Variants in FAM13A observed in about 807,000 individuals in gnomAD.
FAM13A encodes protein FAM13A.
A neutral mutation model predicts 129.6 loss-of-function variants in FAM13A; 76 were observed. The ratio of observed to expected loss-of-function variants is 0.59; its 90% CI spans 0.49 to 0.71. The LOEUF (loss-of-function observed/expected upper bound fraction) is 0.71, where lower values mean the gene tolerates loss of function less well. Among genes scored for constraint, FAM13A ranks in the 30% least tolerant of loss-of-function variants. The pLI, the probability that FAM13A is intolerant of heterozygous loss-of-function variation, is 0.00. For synonymous variants in FAM13A, 443 were observed against 449.9 expected (o/e 0.98, Z 0.20); for missense variants, 1,108 against 1,249.3 (o/e 0.89, Z 1.70).
intron 3 of FAM13A, among the ~76,000 whole-genome samples, chr4:89,019,067 T>C (rs1315646613): frequency 6.6e-6 from 1 of 152,198 alleles, no homozygotes; most frequent in Non-Finnish European, 1.5e-5. Context: ...TGTGAGGGCC[T>C]GGGGGAGCTA....
chr4:88,742,044 T>C (rs1436919203), intron 19 of FAM13A, among the ~76,000 whole-genome samples: 1 of 152,158 alleles, frequency 6.6e-6, no homozygotes, highest in Non-Finnish European at 1.5e-5. Context: ...ACGTGACACA[T>C]GGTGAAATAT....
In FAM13A at chr4:88,932,026, T is replaced by C. The variant is rs1451762985; in HGVS notation, c.759+6062A>G. On this transcript the variant is annotated intron_variant, in intron 5 of 23. Coordinates refer to ENST00000264344, the MANE Select transcript of FAM13A (RefSeq NM_014883.4). ...ATTCTTGAGGGGCTACAGAAGAGGT[T>C]AGGAATAGTGAAGACATATAGGAGT... is the stretch of plus-strand genomic sequence containing the variant. Among the ~76,000 whole-genome samples the C allele has an allele frequency of 1.3e-5, 2 of 152,202 alleles. 1 individual carries two copies. Among genetic ancestry groups the C allele is most frequent in the Middle Eastern group, 6.3e-3 (2 of 316 alleles).
chr4:88,939,787 G>A (rs1313286162), intron 4 of FAM13A, among the ~76,000 whole-genome samples: 2 of 152,152 alleles, frequency 1.3e-5, no homozygotes, highest in Admixed American at 6.5e-5. Flanking sequence ...GCTGTAAGAG[G>A]ATCACATGGC....
At chr4:89,007,365 G>T (rs1238051641) in intron 3 of FAM13A, among the ~76,000 whole-genome samples, 4 of 152,132 alleles carry the variant, frequency 2.6e-5, no homozygotes, top group African/African-American at 9.7e-5. Flanking sequence ...CATTCAAGCA[G>T]CCATCTGAAG....
At position 88,786,936 on chromosome 4, in the gene FAM13A, G is replaced by A. The variant is rs2924347; in HGVS notation, c.1271+817C>T. 4.2e-3 allele frequency among the ~76,000 whole-genome samples: 633 copies of A among 151,942 alleles called. 12 individuals carry two copies. Among genetic ancestry groups the A allele is most frequent in the African/African-American group, 0.015 (621 of 41,452 alleles). On this transcript the variant is annotated intron_variant, in intron 10 of 23. Transcript: ENST00000264344. ...ATGAGGGGTGCTAGGGTCTGGTTCA[G>A]GTTAGTTTCTGACATTTAATAAGGA...
rs548742226 is a variant in FAM13A at position 88,879,360 on chromosome 4, A to G, written c.843+27019T>C. Reference sequence around the variant, plus strand: ...AGTATAACATGCTATAGCATATAAGACTAGAAAAGTGGGAAGTAATATAAG... The same window carrying G: ...AGTATAACATGCTATAGCATATAAGGCTAGAAAAGTGGGAAGTAATATAAG... On this transcript the variant is annotated intron_variant, in intron 6 of 23. Coordinates refer to ENST00000264344, the MANE Select transcript of FAM13A (RefSeq NM_014883.4). Among the ~76,000 whole-genome samples the G allele has an allele frequency of 9.8e-5, 15 of 152,302 alleles. No homozygotes were observed. In the South Asian group the frequency reaches 3.1e-3, roughly 32 times the overall value.
intron 6 of FAM13A, among the ~76,000 whole-genome samples, chr4:88,852,056 T>C (rs1737655738): frequency 6.6e-6 from 1 of 152,174 alleles, no homozygotes; most frequent in Non-Finnish European, 1.5e-5. Context: ...ATCTGGAATG[T>C]CATGTGCTCA....
At chr4:88,926,899 G>A (rs1212763416) in intron 5 of FAM13A, among the ~76,000 whole-genome samples, 1 of 151,948 alleles carries the variant, frequency 6.6e-6, no homozygotes, top group Non-Finnish European at 1.5e-5. Context: ...ATAATTAGGG[G>A]GACAGGTGCA....
chr4:88,745,625 G>A (rs2602116), intron 19 of FAM13A, among the ~76,000 whole-genome samples: 39,878 of 152,054 alleles, frequency 0.26, 6,324 homozygotes, highest in African/African-American at 0.45. Flanking sequence ...GAGAAGGAGT[G>A]TCTCTCTGAT....
chr4:88,887,403 TTAC>T (rs1396663152), intron 6 of FAM13A, among the ~76,000 whole-genome samples: 4 of 152,220 alleles, frequency 2.6e-5, no homozygotes, highest in African/African-American at 9.7e-5. Flanking sequence ...CAAGGATACA[TTAC>T]TATTAAGTGA....
intron 4 of FAM13A, among the ~76,000 whole-genome samples, chr4:88,953,679 T>C (rs1256922071): frequency 2.0e-5 from 3 of 152,218 alleles, no homozygotes; most frequent in African/African-American, 7.2e-5. Context: ...TCTGTTTCTA[T>C]GAATTTTATG....
At chr4:88,994,933 T>C (rs1763343933) in intron 3 of FAM13A, among the ~76,000 whole-genome samples, 1 of 152,182 alleles carries the variant, frequency 6.6e-6, no homozygotes, top group Non-Finnish European at 1.5e-5. Context: ...TATACATTCA[T>C]GTTCTCGTAT....
intron 5 of FAM13A, among the ~76,000 whole-genome samples, chr4:88,927,697 G>C (rs930212135): frequency 6.6e-6 from 1 of 151,838 alleles, no homozygotes; most frequent in Non-Finnish European, 1.5e-5. Flanking sequence ...TGTGGTGTAA[G>C]TTGTTATGTT....
intron 6 of FAM13A, among the ~76,000 whole-genome samples, chr4:88,861,101 C>G (rs1370753289): frequency 1.3e-5 from 2 of 152,154 alleles, no homozygotes; most frequent in Admixed American, 1.3e-4. Context: ...GAAAAACCTA[C>G]ACCTCACAAG....
At chr4:88,862,654 C>T (rs895665598) in intron 6 of FAM13A, among the ~76,000 whole-genome samples, 6 of 152,162 alleles carry the variant, frequency 3.9e-5, no homozygotes, top group Admixed American at 2.6e-4. Context: ...CATCTTCTAA[C>T]TTTGATGCTC....
intron 1 of FAM13A, among the ~76,000 whole-genome samples, chr4:89,032,392 T>G (rs781699654): frequency 6.6e-6 from 1 of 152,210 alleles, no homozygotes. Flanking sequence ...TGTGTTTGTG[T>G]GTGTATAAAA....
chr4:89,004,064 C>T (rs1056807586), intron 3 of FAM13A, among the ~76,000 whole-genome samples: 3 of 152,100 alleles, frequency 2.0e-5, no homozygotes, highest in African/African-American at 7.2e-5. Context: ...CTAAAGCAAT[C>T]CTCCTACCTT....
At chr4:88,793,541 T>C (rs376525274) in intron 8 of FAM13A, among the ~76,000 whole-genome samples, 67 of 151,978 alleles carry the variant, frequency 4.4e-4, no homozygotes, top group African/African-American at 1.5e-3. Flanking sequence ...TAGGAGAAGA[T>C]ATTTTCCACT....
At chr4:89,038,624 C>A (rs918011222) in intron 1 of FAM13A, among the ~76,000 whole-genome samples, 2 of 151,960 alleles carry the variant, frequency 1.3e-5, no homozygotes, top group Admixed American at 6.6e-5. Context: ...ATACATATAA[C>A]CTATGTATTA....
Sources: gnomAD v4.1 joint callset for allele counts (sites outside exome capture counted in the v4.1 genomes callset) on GRCh38, gnomAD v4.1.1 for gene constraint, MANE v1.5 for transcripts, NCBI Gene and HGNC (gene_info 2026-07-23, HGNC 2026-07-21) for gene names.